The following EIF3A variants were observed in gnomAD, a reference collection of about 807,000 sequenced individuals.
The protein encoded by EIF3A is eukaryotic translation initiation factor 3 subunit A.
Under a neutral mutation model 186.6 loss-of-function variants are expected in EIF3A, and 21 were observed. That is an observed-to-expected ratio of 0.11 (90% CI 0.08 to 0.16). The LOEUF (loss-of-function observed/expected upper bound fraction) is 0.16. EIF3A is among the 10% of genes least tolerant of loss of function. The probability of loss-of-function intolerance (pLI) is 1.00; values close to 1 mark genes in which losing one functional copy is unlikely to be tolerated. For synonymous variants in EIF3A, 563 were observed against 584.3 expected, an observed-to-expected ratio of 0.96 and a Z score of 0.52; for missense variants, 1,306 against 1,796.3, an observed-to-expected ratio of 0.73 and a Z score of 4.93.
At chr10:119,062,281 G>A (rs1243556299) in intron 7 of EIF3A, among the ~76,000 whole-genome samples, 1 of 152,122 alleles carries the variant, frequency 6.6e-6, no homozygotes, top group African/African-American at 2.4e-5. Context: ...CTTCCGAATA[G>A]GGAAATGTGA....
intron 17 of EIF3A, among the ~76,000 whole-genome samples, chr10:119,045,572 A>T (rs1848271770): frequency 6.6e-6 from 1 of 152,246 alleles, no homozygotes; most frequent in Non-Finnish European, 1.5e-5. Flanking sequence ...GTTTTAGAGG[A>T]TATAGTACAA....
Position 119,049,723 on chromosome 10 carries a change from G to A in EIF3A, c.2658+78C>T, listed in dbSNP as rs749038282. The A allele has an allele frequency of 9.1e-5, 119 of 1,314,534 alleles. No individual in the cohort carries two copies. The Admixed American group carries it at 9.7e-4, about 11-fold the overall frequency. The allele number at this position is 1,314,534 out of a possible 1,614,324, so 81.4% of individuals were successfully genotyped here. A position where few individuals can be genotyped will look rare whatever the true frequency, so the allele number is the denominator to read the frequency against. On this transcript the variant is annotated intron_variant, in intron 17 of 21. Transcript: ENST00000369144. ...GTACTCCAGCCTGGGCAACCTGGGCGACAGAGCAAGACTGTGCCTCAACCA... is the reference window on the plus strand; with the variant it reads ...GTACTCCAGCCTGGGCAACCTGGGCAACAGAGCAAGACTGTGCCTCAACCA...
rs759977719 is a variant in EIF3A, at chr10:119,042,012, T to G, written c.3508A>C (p.Arg1170=). ...RGDDSRPGPW[R]PLVKPGGWRE... ...ATTTTACCTGGCTTGACTAATGGTC[T>G]CCAAGGACCAGGTCTTGAGTCATCA... The change falls in exon 19 of 22, where the codon AGA becomes CGA. Residue 1170 remains arginine (R), a synonymous_variant. Coordinates refer to ENST00000369144, the MANE Select transcript of EIF3A (RefSeq NM_003750.4). The surrounding 1 kb of genome is among the most constrained non-coding windows in gnomAD (Gnocchi z 7.8). 131 of 1,614,026 alleles carry G rather than the reference T, an allele frequency of 8.1e-5. No homozygotes were observed. Among genetic ancestry groups the G allele is most frequent in the Middle Eastern group, 1.6e-4 (1 of 6,084 alleles).
intron 14 of EIF3A, among the ~76,000 whole-genome samples, chr10:119,052,282 A>T (rs925258641): frequency 6.6e-6 from 1 of 152,154 alleles, no homozygotes; most frequent in Non-Finnish European, 1.5e-5. Context: ...TTGCTCATCC[A>T]TAAGAAGCAA....
intron 2 of EIF3A, 84 bp from the exon 3 acceptor site, chr10:119,073,661 T>C: frequency 6.4e-7 from 1 of 1,566,234 alleles, no homozygotes; most frequent in East Asian, 2.2e-5. Context: ...TTAAGAGAAA[T>C]ACAATATATT....
chr10:119,038,555 C>T, intron 19 of EIF3A, 116 bp from the exon 20 acceptor site: 1 of 826,450 alleles, frequency 1.2e-6, no homozygotes, highest in African/African-American at 1.7e-5. Flanking sequence ...TAATTTAAGA[C>T]ACTGATTAAA....
At chr10:119,061,179 G>A (rs890694841) in intron 8 of EIF3A, 45 bp downstream of exon 8, 2 of 1,124,326 alleles carry the variant, frequency 1.8e-6, no homozygotes, top group East Asian at 2.4e-5. Flanking sequence ...ACTGCAAGAA[G>A]GCCAACTCTG....
chr10:119,057,897 T>G, intron 12 of EIF3A, 59 bp downstream of exon 12: 1 of 1,355,126 alleles, frequency 7.4e-7, no homozygotes, highest in Non-Finnish European at 1.0e-6. Context: ...GGACTGTGGT[T>G]CTAAGAGTAC....
Position 119,033,874 on chromosome 10 carries a change from A to T in EIF3A, c.*2165T>A, listed in dbSNP as rs1472921300. On this transcript the variant is annotated 3_prime_UTR_variant, in exon 22 of 22. Transcript: ENST00000369144. ...AATCTATGGTCAGTGTCTTTGGTTAAAAAAAAAAAAAAACACAGGCAGTTC... is the reference window on the plus strand; with the variant it reads ...AATCTATGGTCAGTGTCTTTGGTTATAAAAAAAAAAAAACACAGGCAGTTC... The T allele has an allele frequency of 3.9e-5, 1 of 25,514 alleles. No homozygotes were observed. Among genetic ancestry groups the T allele is most frequent in the Non-Finnish European group, 4.7e-4 (1 of 2,130 alleles). The allele number at this position is 25,514 out of a possible 1,614,324, so 1.6% of individuals were successfully genotyped here. A position where few individuals can be genotyped will look rare whatever the true frequency, so the allele number is the denominator to read the frequency against.
rs561816830 is a variant in EIF3A at position 119,080,685 on chromosome 10, C to A, written c.-9G>T. The A allele has an allele frequency of 4.9e-5, 78 of 1,592,290 alleles. 1 individual carries two copies. The South Asian group carries it at 8.4e-4, about 17-fold the overall frequency. On this transcript the variant is annotated 5_prime_UTR_variant, in exon 1 of 22. Coordinates refer to ENST00000369144, the MANE Select transcript of EIF3A (RefSeq NM_003750.4). ...TGAAAATAGGCCGGCATCTTGGCGG[C>A]AGGCTCAGCTCACCCGGCGTCAGCG...
At chr10:119,055,297 G>A (rs1341868028) in intron 14 of EIF3A, among the ~76,000 whole-genome samples, 2 of 152,204 alleles carry the variant, frequency 1.3e-5, no homozygotes, top group Non-Finnish European at 2.9e-5. Flanking sequence ...TGGCCAGTCG[G>A]TAGAACAGTC....
intron 18 of EIF3A, among the ~76,000 whole-genome samples, chr10:119,043,046 G>A (rs1473458296): frequency 6.6e-6 from 1 of 152,092 alleles, no homozygotes; most frequent in Non-Finnish European, 1.5e-5. Context: ...CACTTTGGAA[G>A]GCCAAGGCGG....
chr10:119,042,867 G>C lies in EIF3A; in HGVS notation c.2748-95C>G. On this transcript the variant is annotated intron_variant, in intron 18 of 21. Transcript: ENST00000369144. This position sits in a 1 kb window ranked among gnomAD's most constrained non-coding sequence, Gnocchi z 7.8. Reference sequence around the variant, plus strand: ...TTTCACATGCTTTTTAAAAACTTCAGTATGGGCCGGAGCAGTGGCTCGCAC... The same window carrying C: ...TTTCACATGCTTTTTAAAAACTTCACTATGGGCCGGAGCAGTGGCTCGCAC... 1 of 1,308,150 alleles carries C rather than the reference G, an allele frequency of 7.6e-7. No homozygotes were observed. The highest frequency in any genetic ancestry group is 1.0e-6 in the Non-Finnish European group (1 of 972,918). 81.0% of individuals were successfully genotyped at this position (1,308,150 alleles called of 1,614,324 possible). A position where few individuals can be genotyped will look rare whatever the true frequency, so the allele number is the denominator to read the frequency against.
rs1848402080 is a variant in EIF3A, at chr10:119,054,774, G to A, written c.2196+1966C>T. On this transcript the variant is annotated intron_variant, in intron 14 of 21. Coordinates refer to ENST00000369144, the MANE Select transcript of EIF3A (RefSeq NM_003750.4). Reference sequence around the variant, plus strand: ...CCTTTGCATTCACAACTTGATTAGTGCAAGAGGCCTAGCTTTCAACATGCC... The same window carrying A: ...CCTTTGCATTCACAACTTGATTAGTACAAGAGGCCTAGCTTTCAACATGCC... Among the ~76,000 whole-genome samples the A allele has an allele frequency of 4.6e-5, 7 of 151,648 alleles. 1 individual carries two copies. The South Asian group carries it at 1.5e-3, about 32-fold the overall frequency.
In EIF3A at chr10:119,044,064, G is replaced by C; in HGVS notation, c.2737C>G (p.Pro913Ala). ...CTCAACTCTACTTACTTCTCTGGCG[G>C]GCCTCTTCTCCACTCAGAATCTGCT... ...PEADSEWRRG[P>A]PEKEWRRGEG... Residue 913 changes from proline to alanine, a missense_variant, in exon 18 of 22, where the codon CCG becomes GCG. Pro to Ala is a conservative substitution (Grantham distance 27). Around this residue, in one of 8 missense-constraint regions of EIF3A, gnomAD observed 410 missense variants for 473.5 expected, o/e 0.87. Transcript: ENST00000369144. 1 of 1,612,244 alleles carries C rather than the reference G, an allele frequency of 6.2e-7. No homozygotes were observed. Among genetic ancestry groups the C allele is most frequent in the Non-Finnish European group, 8.5e-7 (1 of 1,178,398 alleles).
intron 7 of EIF3A, among the ~76,000 whole-genome samples, chr10:119,063,368 C>T (rs993440677): frequency 1.3e-5 from 2 of 152,130 alleles, no homozygotes; most frequent in Non-Finnish European, 2.9e-5. Flanking sequence ...AGGAAAAATG[C>T]CACTATCTAG....
chr10:119,078,837 T>C (rs1844216645), intron 1 of EIF3A, among the ~76,000 whole-genome samples: 1 of 152,156 alleles, frequency 6.6e-6, no homozygotes, highest in Non-Finnish European at 1.5e-5. Context: ...ATCTTTTCTA[T>C]ATGAAGTTCT....
chr10:119,071,565 G>T (rs10787904), intron 4 of EIF3A, among the ~76,000 whole-genome samples: 126,371 of 152,136 alleles, frequency 0.83, 56,026 homozygotes, highest in Non-Finnish European at 0.97. Flanking sequence ...AACTGGACAC[G>T]TTAATTTTTT....
At chr10:119,075,205 C>T (rs1844145984) in intron 1 of EIF3A, among the ~76,000 whole-genome samples, 1 of 151,776 alleles carries the variant, frequency 6.6e-6, no homozygotes, top group Admixed American at 6.6e-5. Context: ...CATGATCCAC[C>T]CGCCTTGGCC....
Sources: gnomAD v4.1 joint callset for allele counts (sites outside exome capture counted in the v4.1 genomes callset) on GRCh38, gnomAD v4.1.1 for gene constraint, gnomAD v4.1.1 regional missense constraint, Gnocchi (gnomAD v3.1) non-coding constraint, MANE v1.5 for transcripts, NCBI Gene and HGNC (gene_info 2026-07-23, HGNC 2026-07-21) for gene names.